The following PPP1R42 variants were observed in gnomAD, a reference collection of about 807,000 sequenced individuals.
The protein encoded by PPP1R42 is protein phosphatase 1 regulatory subunit 42, also known as leucine rich repeat containing 67.
In PPP1R42, 34 loss-of-function variants were observed where a neutral mutation model predicts 31.0. That is an observed-to-expected ratio of 1.10 (90% CI 0.83 to 1.46). PPP1R42 has a LOEUF of 1.46. PPP1R42 is among the 40% of genes most tolerant of loss of function. The pLI, the probability that PPP1R42 is intolerant of heterozygous loss-of-function variation, is 0.00. For synonymous variants in PPP1R42, 103 were observed against 109.8 expected, an observed-to-expected ratio of 0.94 and a Z score of 0.39; for missense variants, 268 against 303.0, an observed-to-expected ratio of 0.88 and a Z score of 0.86.
chr8:67,004,147 CT>C (rs1429133685), intron 5 of PPP1R42, among the ~76,000 whole-genome samples: 1 of 152,054 alleles, frequency 6.6e-6, no homozygotes, highest in African/African-American at 2.4e-5. Flanking sequence ...AGGGCAGAGC[CT>C]TCATGAATGG....
Position 66,964,262 on chromosome 8 carries a change from G to A in PPP1R42, c.*59C>T. ...CAAACAAATTTTCTTTTTCTTCTGG[G>A]TTATGGAAGAGGTGAGGTTCATGCA... On this transcript the variant is annotated 3_prime_UTR_variant, in exon 8 of 8. Transcript: ENST00000685739. 1 of 1,237,910 alleles carries A rather than the reference G, an allele frequency of 8.1e-7. No homozygotes were observed. The highest frequency in any genetic ancestry group is 1.1e-6 in the Non-Finnish European group (1 of 943,102). 76.7% of individuals were successfully genotyped at this position (1,237,910 alleles called of 1,614,324 possible).
chr8:66,994,597 A>G (rs977695687), intron 5 of PPP1R42, among the ~76,000 whole-genome samples: 1 of 152,204 alleles, frequency 6.6e-6, no homozygotes, highest in Non-Finnish European at 1.5e-5. Flanking sequence ...ATTCAGTTTG[A>G]TGGAACAAGA....
At position 66,985,047 on chromosome 8, in the gene PPP1R42, G is replaced by C; in HGVS notation, c.671-2867C>G. 6.3e-6 allele frequency: 9 copies of C among 1,422,864 alleles called. No individual in the cohort carries two copies. In the South Asian group the frequency reaches 9.2e-5, roughly 15 times the overall value. The allele number at this position is 1,422,864 out of a possible 1,614,324, so 88.1% of individuals were successfully genotyped here. On this transcript the variant is annotated intron_variant, in intron 6 of 7. Transcript: ENST00000685739. ...TAAGGTTAAAGCCATTGGGGATTATGTAAGAGTCCCACCACTCAATTTCAG... is the reference window on the plus strand; with the variant it reads ...TAAGGTTAAAGCCATTGGGGATTATCTAAGAGTCCCACCACTCAATTTCAG...
chr8:66,975,720 T>G (rs748641121), intron 7 of PPP1R42, among the ~76,000 whole-genome samples: 2 of 152,046 alleles, frequency 1.3e-5, no homozygotes, highest in Non-Finnish European at 2.9e-5. Context: ...TTGAGAAAAT[T>G]AAATGGCTAA....
intron 7 of PPP1R42, among the ~76,000 whole-genome samples, chr8:66,977,113 A>G (rs1814699710): frequency 6.6e-6 from 1 of 151,480 alleles, no homozygotes; most frequent in South Asian, 2.1e-4. Flanking sequence ...AGCTCACTGC[A>G]ACCTCCGCCT....
intron 7 of PPP1R42, 62 bp downstream of exon 7, chr8:66,981,987 T>G: frequency 2.4e-6 from 3 of 1,267,934 alleles, no homozygotes; most frequent in Non-Finnish European, 3.0e-6. Context: ...GGCATTTTTT[T>G]GTTGCCTAGA....
At position 66,968,214 on chromosome 8, in the gene PPP1R42, G is replaced by T. The variant is rs1814440347; in HGVS notation, c.803-3880C>A. 2.6e-5 allele frequency among the ~76,000 whole-genome samples: 4 copies of T among 152,138 alleles called. No individual in the cohort carries two copies. In the South Asian group the frequency reaches 6.2e-4, roughly 24 times the overall value. ...TTTGAGGGTCAAAAACAACGTCAAT[G>T]AGTCTGACTTTTTCCTCCCAGTAGA... On this transcript the variant is annotated intron_variant, in intron 7 of 7. Coordinates refer to ENST00000685739, the MANE Select transcript of PPP1R42 (RefSeq NM_001364910.1).
chr8:67,027,298 G>A (rs1183366287), intron 1 of PPP1R42, among the ~76,000 whole-genome samples: 5 of 152,136 alleles, frequency 3.3e-5, no homozygotes, highest in East Asian at 1.9e-4. Context: ...AATGGATTCC[G>A]TCTATAGATT....
intron 5 of PPP1R42, among the ~76,000 whole-genome samples, chr8:67,000,633 T>C (rs889334826): frequency 2.0e-5 from 3 of 152,126 alleles, no homozygotes. Context: ...AATTTTTGTA[T>C]TTTTAGTGGA....
chr8:66,984,637 A>G, intron 6 of PPP1R42: 3 of 1,358,804 alleles, frequency 2.2e-6, no homozygotes, highest in Non-Finnish European at 3.2e-6. Flanking sequence ...AAGCTTTTAA[A>G]TTTTCTTGAC....
chr8:66,980,049 C>T, intron 7 of PPP1R42, among the ~76,000 whole-genome samples: 1 of 151,998 alleles, frequency 6.6e-6, no homozygotes, highest in East Asian at 1.9e-4. Context: ...AATCCTTACC[C>T]TAGGTCTAGT....
chr8:66,972,630 T>A (rs995753492), intron 7 of PPP1R42, among the ~76,000 whole-genome samples: 1 of 152,160 alleles, frequency 6.6e-6, no homozygotes, highest in Non-Finnish European at 1.5e-5. Flanking sequence ...CCTCAGGTGA[T>A]CTGCCCACCT....
At chr8:66,996,941 CAGG>C (rs1439484241) in intron 5 of PPP1R42, among the ~76,000 whole-genome samples, 1 of 152,156 alleles carries the variant, frequency 6.6e-6, no homozygotes, top group Non-Finnish European at 1.5e-5. Flanking sequence ...CACTTGAGGT[CAGG>C]AGTTCAAGAA....
At chr8:66,985,293 A>G (rs753942924) in intron 6 of PPP1R42, 15 of 888,840 alleles carry the variant, frequency 1.7e-5, no homozygotes, top group Non-Finnish European at 2.4e-5. Context: ...CTCGGGGTCA[A>G]AAAAGGTATT....
At chr8:66,977,324 C>T (rs868365557) in intron 7 of PPP1R42, among the ~76,000 whole-genome samples, 6 of 150,442 alleles carry the variant, frequency 4.0e-5, no homozygotes, top group African/African-American at 9.8e-5. Flanking sequence ...TGAGCCATCG[C>T]GCCCACCCTT....
intron 5 of PPP1R42, among the ~76,000 whole-genome samples, chr8:66,998,862 C>T (rs1247920454): frequency 6.6e-6 from 1 of 152,140 alleles, no homozygotes; most frequent in Non-Finnish European, 1.5e-5. Context: ...AATGCCAAAA[C>T]AATCTTGCAT....
intron 5 of PPP1R42, among the ~76,000 whole-genome samples, chr8:67,001,467 T>C (rs1168735185): frequency 2.0e-5 from 3 of 150,180 alleles, no homozygotes; most frequent in Non-Finnish European, 4.4e-5. Flanking sequence ...TGATATTGGC[T>C]GAGTTTAAGA....
chr8:67,017,859 A>C, intron 1 of PPP1R42, 28 bp from the exon 2 acceptor site: 1 of 1,173,746 alleles, frequency 8.5e-7, no homozygotes. Flanking sequence ...AAGGAGCATT[A>C]TGATATCATA....
At chr8:66,981,977 G>A in intron 7 of PPP1R42, 72 bp downstream of exon 7, 1 of 1,252,686 alleles carries the variant, frequency 8.0e-7, no homozygotes. Flanking sequence ...TTTATTTGTT[G>A]GCATTTTTTT....
Sources: allele counts gnomAD v4.1 joint callset (sites outside exome capture counted in the v4.1 genomes callset), GRCh38; gene constraint gnomAD v4.1.1; transcripts MANE v1.5; gene names NCBI Gene and HGNC (gene_info 2026-07-23, HGNC 2026-07-21).